The following TALDO1 variants were observed in gnomAD, a reference collection of about 807,000 sequenced individuals.
TALDO1 encodes the protein transaldolase.
Under a neutral mutation model 38.1 loss-of-function variants are expected in TALDO1, and 29 were observed. The ratio of observed to expected loss-of-function variants is 0.76; its 90% CI spans 0.57 to 1.04. The LOEUF is 1.04. TALDO1 is among the 50% of genes least tolerant of loss of function. TALDO1 has a pLI of 0.00. For synonymous variants in TALDO1, 207 were observed against 176.8 expected (o/e 1.17, Z -1.36); for missense variants, 499 against 438.1 (o/e 1.14, Z -1.24).
chr11:760,064 C>T (rs1286427220), intron 3 of TALDO1, 58 bp from the exon 4 acceptor site: 2 of 1,610,110 alleles, frequency 1.2e-6, no homozygotes, highest in Non-Finnish European at 1.7e-6. Flanking sequence ...CTCCAGCTTG[C>T]TCTGCGTGGT....
intron 1 of TALDO1, among the ~76,000 whole-genome samples, chr11:755,003 T>G (rs1483470310): frequency 6.6e-6 from 1 of 152,182 alleles, no homozygotes; most frequent in Non-Finnish European, 1.5e-5. Context: ...AAATTAGTCT[T>G]AAAGTTGCAG....
intron 3 of TALDO1, among the ~76,000 whole-genome samples, chr11:759,492 C>T (rs758917925): frequency 7.9e-5 from 12 of 152,014 alleles, no homozygotes; most frequent in Non-Finnish European, 1.3e-4. Flanking sequence ...GAACTCCTGA[C>T]GTCATGATCC....
intron 4 of TALDO1, among the ~76,000 whole-genome samples, chr11:761,415 C>T (rs1283170374): frequency 6.6e-6 from 1 of 150,880 alleles, no homozygotes; most frequent in East Asian, 2.0e-4. Flanking sequence ...GCGGGAGGAT[C>T]GCTTGAGCCT....
rs533851119 is a variant in TALDO1 at position 753,540 on chromosome 11, A to C, written c.98-2339A>C. On this transcript the variant is annotated intron_variant, in intron 1 of 7. Transcript: ENST00000319006. ...AGCGAGACTCCGTCTCAAAAAAATAAAAATACAAATACAAAAAAAAAAACA... is the reference window on the plus strand; with the variant it reads ...AGCGAGACTCCGTCTCAAAAAAATACAAATACAAATACAAAAAAAAAAACA... 2.5e-3 allele frequency among the ~76,000 whole-genome samples: 377 copies of C among 151,672 alleles called. 1 individual carries two copies. Among genetic ancestry groups the C allele is most frequent in the Non-Finnish European group, 3.2e-3 (218 of 67,884 alleles).
intron 7 of TALDO1, 128 bp downstream of exon 7, chr11:764,561 C>T: frequency 1.1e-5 from 16 of 1,478,424 alleles, no homozygotes; most frequent in Non-Finnish European, 1.5e-5. Flanking sequence ...TGCTGTCCAG[C>T]AAGTGGGGCC....
chr11:757,609 A>G (rs534723447), intron 2 of TALDO1, among the ~76,000 whole-genome samples: 2 of 152,142 alleles, frequency 1.3e-5, no homozygotes, highest in African/African-American at 2.4e-5. Flanking sequence ...CAAGAATTCT[A>G]ACCTCTGAGC....
At chr11:763,193 C>A in intron 4 of TALDO1, 151 bp from the exon 5 acceptor site, 1 of 404,140 alleles carries the variant, frequency 2.5e-6, no homozygotes, top group South Asian at 2.3e-5. Context: ...TCACCTGCCC[C>A]GCCCTCACCT....
chr11:761,670 T>C (rs1333103001), intron 4 of TALDO1, among the ~76,000 whole-genome samples: 2 of 152,226 alleles, frequency 1.3e-5, no homozygotes, highest in Non-Finnish European at 2.9e-5. Context: ...CTGCATGTTC[T>C]ACCACCTGCC....
intron 5 of TALDO1, 35 bp downstream of exon 5, chr11:763,554 G>A (rs754178622): frequency 4.8e-5 from 78 of 1,611,628 alleles, no homozygotes; most frequent in Non-Finnish European, 6.2e-5. Context: ...GGTAAGGGGA[G>A]CAGCCTCAGC....
At chr11:761,746 T>C (rs1259068529) in intron 4 of TALDO1, among the ~76,000 whole-genome samples, 1 of 152,150 alleles carries the variant, frequency 6.6e-6, no homozygotes, top group African/African-American at 2.4e-5. Context: ...TGGCACGAAC[T>C]TGGCTCACTG....
rs926915114 is a variant in TALDO1 at position 764,662 on chromosome 11, G to A, written c.982-151G>A. 1.2e-5 allele frequency: 16 copies of A among 1,379,310 alleles called. No homozygotes were observed. The South Asian group carries it at 1.7e-4, about 14-fold the overall frequency. The allele number at this position is 1,379,310 out of a possible 1,614,324, so 85.4% of individuals were successfully genotyped here. A position where few individuals can be genotyped will look rare whatever the true frequency, so the allele number is the denominator to read the frequency against. On this transcript the variant is annotated intron_variant, in intron 7 of 7. Transcript: ENST00000319006. ...TCCTGGCTCCTCTCTGGCCTGTGTGGTGACTGTGGTATTGGCCACCCTGTG... is the reference window on the plus strand; with the variant it reads ...TCCTGGCTCCTCTCTGGCCTGTGTGATGACTGTGGTATTGGCCACCCTGTG...
At chr11:763,319 G>A (rs1362223392) in intron 4 of TALDO1, 25 bp from the exon 5 acceptor site, 6 of 1,032,460 alleles carry the variant, frequency 5.8e-6, no homozygotes, top group South Asian at 1.3e-5. Flanking sequence ...CACCTGCCCC[G>A]CCCTCACCTG....
intron 2 of TALDO1, among the ~76,000 whole-genome samples, chr11:758,448 A>G (rs1217880708): frequency 6.6e-6 from 1 of 151,708 alleles, no homozygotes; most frequent in Non-Finnish European, 1.5e-5. Flanking sequence ...TCTTGGGGGA[A>G]AAAAAAAAGG....
In TALDO1 at chr11:760,190, G is replaced by A. The variant is rs778966329; in HGVS notation, c.398G>A (p.Gly133Glu). The A allele has an allele frequency of 1.2e-6, 2 of 1,614,218 alleles. No individual in the cohort carries two copies. The highest frequency in any genetic ancestry group is 3.3e-5 in the Admixed American group (2 of 60,020). Residue 133 changes from glycine (G) to glutamate (E), a missense_variant, in exon 4 of 8, where the codon GGG (glycine) becomes GAG (glutamate). Gly to Glu is a moderately conservative substitution (Grantham distance 98). Transcript: ENST00000319006. ...RRLIELYKEA[G>E]ISKDRILIKL... ...CTCATCGAGCTCTACAAGGAAGCTG[G>A]GATCAGCAAGGACCGAATTCTTATA...
chr11:748,565 G>A (rs1862697015), intron 1 of TALDO1, among the ~76,000 whole-genome samples: 2 of 152,186 alleles, frequency 1.3e-5, no homozygotes, highest in South Asian at 4.1e-4. Flanking sequence ...CACCTAATAC[G>A]GAAGTGACTT....
Position 763,912 on chromosome 11 carries a change from C to A in TALDO1, c.803C>A (p.Ala268Asp), listed in dbSNP as rs746811095. The A allele has an allele frequency of 4.6e-5, 74 of 1,611,844 alleles. No individual in the cohort carries two copies. In the African/African-American group the frequency reaches 7.7e-4, roughly 17 times the overall value. ...CTGGGAGAGCTGCTGCAGGACAACG[C>A]CAAGCTGGTGCCTGTGCTCTCAGCC... ...KLLGELLQDNAKLVPVLSAKA... is the reference protein window; with the variant it reads ...KLLGELLQDNDKLVPVLSAKA... The change falls in exon 6 of 8, where the codon GCC becomes GAC. Residue 268 changes from alanine to aspartate, a missense_variant. Transcript: ENST00000319006.
chr11:749,962 C>T (rs1862723257), intron 1 of TALDO1, among the ~76,000 whole-genome samples: 1 of 152,154 alleles, frequency 6.6e-6, no homozygotes, highest in Admixed American at 6.5e-5. Context: ...ACCCTTCAAC[C>T]ACTGTCCCCC....
rs1001764016 is a variant in TALDO1 at position 763,931 on chromosome 11, C to T, written c.822C>T (p.Leu274=). Residue 274 remains leucine, a synonymous_variant, in exon 6 of 8, where the codon CTC becomes CTT. Transcript: ENST00000319006. ...ACAACGCCAAGCTGGTGCCTGTGCT[C>T]TCAGCCAAGGCGGGTGAGGCCCCAC... ...LQDNAKLVPV[L]SAKAAQASDL... 5 of 1,609,956 alleles carry T rather than the reference C, an allele frequency of 3.1e-6. No individual in the cohort carries two copies. The African/African-American group carries it at 6.7e-5, about 21-fold the overall frequency.
In TALDO1 at chr11:758,997, T is replaced by C; in HGVS notation, c.269T>C (p.Leu90Ser). 1.2e-6 allele frequency: 2 copies of C among 1,613,324 alleles called. No individual in the cohort carries two copies. Among genetic ancestry groups the C allele is most frequent in the Non-Finnish European group, 1.7e-6 (2 of 1,179,472 alleles). ...IKNAIDKLFV[L>S]FGAEILKKIP... ...AATGCTATTGATAAACTTTTTGTGT[T>C]GTTTGGAGCAGAAATACTAAAGAAG... Residue 90 changes from leucine (L) to serine (S), a missense_variant, in exon 3 of 8, where the codon TTG becomes TCG. Transcript: ENST00000319006.
Sources: allele counts gnomAD v4.1 joint callset (sites outside exome capture counted in the v4.1 genomes callset), GRCh38; gene constraint gnomAD v4.1.1; transcripts MANE v1.5; gene names NCBI Gene and HGNC (gene_info 2026-07-23, HGNC 2026-07-21).